Variants in OPCML observed in about 807,000 individuals in gnomAD.
OPCML encodes the protein opioid binding protein/cell adhesion molecule like.
In OPCML, 13 loss-of-function variants were observed where a neutral mutation model predicts 37.8. The observed-to-expected ratio is 0.34, with a 90% confidence interval of 0.22 to 0.55. OPCML has a LOEUF of 0.55. Among genes scored for constraint, OPCML ranks in the 20% least tolerant of loss-of-function variants. The probability of loss-of-function intolerance (pLI) is 0.91; values close to 1 mark genes in which losing one functional copy is unlikely to be tolerated. For synonymous variants in OPCML, 176 were observed against 168.8 expected (o/e 1.04, Z -0.33); for missense variants, 341 against 435.6 (o/e 0.78, Z 1.93).
chr11:132,660,755 G>T (rs1941937866), intron 2 of OPCML, among the ~76,000 whole-genome samples: 1 of 152,072 alleles, frequency 6.6e-6, no homozygotes, highest in South Asian at 2.1e-4. Context: ...GCCCTGCTTT[G>T]CTTCTGTGGG....
At chr11:132,468,023 C>A (rs553313370) in intron 4 of OPCML, among the ~76,000 whole-genome samples, 1 of 152,294 alleles carries the variant, frequency 6.6e-6, no homozygotes, top group Non-Finnish European at 1.5e-5. Context: ...TGTCCCTAAT[C>A]TTGTGACCTA....
intron 7 of OPCML, among the ~76,000 whole-genome samples, chr11:132,420,600 T>A (rs76722395): frequency 0.016 from 2,378 of 152,318 alleles, 63 homozygotes; most frequent in African/African-American, 0.05. Flanking sequence ...GCAGACCTGC[T>A]GGCTGTTTTC....
At chr11:132,542,078 T>A (rs1214666329) in intron 3 of OPCML, among the ~76,000 whole-genome samples, 1 of 152,162 alleles carries the variant, frequency 6.6e-6, no homozygotes, top group African/African-American at 2.4e-5. Flanking sequence ...TTACAGATGA[T>A]CAGTGCGGAG....
chr11:132,521,487 G>T (rs554211184), intron 4 of OPCML, among the ~76,000 whole-genome samples: 8 of 152,216 alleles, frequency 5.3e-5, no homozygotes, highest in East Asian at 1.9e-4. Flanking sequence ...CATGTCCTTT[G>T]CAGGGACATG....
At chr11:132,790,956 T>C (rs1235166278) in intron 2 of OPCML, among the ~76,000 whole-genome samples, 1 of 152,220 alleles carries the variant, frequency 6.6e-6, no homozygotes, top group East Asian at 1.9e-4. Flanking sequence ...TCTAGAATAG[T>C]AATGTGTATA....
intron 2 of OPCML, among the ~76,000 whole-genome samples, chr11:132,694,190 T>C (rs1943516912): frequency 4.1e-5 from 2 of 49,304 alleles, no homozygotes; most frequent in African/African-American, 1.7e-4. Context: ...TTTTTTTTTT[T>C]TTTTTTTTTT....
At chr11:132,947,254 C>G (rs1016826735) in intron 1 of OPCML, among the ~76,000 whole-genome samples, 9 of 152,134 alleles carry the variant, frequency 5.9e-5, no homozygotes, top group African/African-American at 2.2e-4. Context: ...ATGGCTGAGG[C>G]AAGTAAAGAA....
chr11:133,381,257 A>G (rs563023077), intron 1 of OPCML, among the ~76,000 whole-genome samples: 1 of 152,358 alleles, frequency 6.6e-6, no homozygotes, highest in African/African-American at 2.4e-5. Flanking sequence ...TGGCAGAGGA[A>G]ACTGGCAGGG....
intron 1 of OPCML, among the ~76,000 whole-genome samples, chr11:133,266,977 G>A (rs1941680944): frequency 6.6e-6 from 1 of 152,060 alleles, no homozygotes; most frequent in African/African-American, 2.4e-5. Flanking sequence ...GTCAATCTTT[G>A]GACAGATAAA....
intron 2 of OPCML, among the ~76,000 whole-genome samples, chr11:132,786,336 T>C (rs978090044): frequency 2.0e-5 from 3 of 152,134 alleles, no homozygotes; most frequent in Admixed American, 1.3e-4. Flanking sequence ...TAATTTAAAA[T>C]TGCACACAAT....
Position 133,054,840 on chromosome 11 carries a change from T to C in OPCML, c.62-111830A>G, listed in dbSNP as rs1244180271. Among the ~76,000 whole-genome samples the C allele has an allele frequency of 3.3e-5, 5 of 151,728 alleles. No individual in the cohort carries two copies. In the South Asian group the frequency reaches 8.3e-4, roughly 25 times the overall value. The stretch of plus-strand genomic sequence containing the variant: ...GATACTTCCAAGTGGTGAGACCCCA[T>C]GAAGGAGCCACCTCTACTGTACAAT... On this transcript the variant is annotated intron_variant, in intron 1 of 7. Coordinates refer to ENST00000524381, the MANE Select transcript of OPCML (RefSeq NM_001012393.5).
intron 1 of OPCML, among the ~76,000 whole-genome samples, chr11:133,374,903 C>T (rs935334090): frequency 6.6e-6 from 1 of 152,148 alleles, no homozygotes; most frequent in African/African-American, 2.4e-5. Context: ...CTGAGAGTGT[C>T]GCTGAGGCGT....
chr11:133,526,141 C>T (rs1948486188), intron 1 of OPCML, among the ~76,000 whole-genome samples: 1 of 152,208 alleles, frequency 6.6e-6, no homozygotes, highest in Non-Finnish European at 1.5e-5. Flanking sequence ...CTAGCACCTA[C>T]TTACTGGCTC....
At position 133,306,991 on chromosome 11, in the gene OPCML, A is replaced by G. The variant is rs371957781; in HGVS notation, c.61+225273T>C. Among the ~76,000 whole-genome samples, 4 of 152,308 alleles carry G rather than the reference A, an allele frequency of 2.6e-5. No individual in the cohort carries two copies. In the East Asian group the frequency reaches 7.7e-4, roughly 29 times the overall value. On this transcript the variant is annotated intron_variant, in intron 1 of 7. Coordinates refer to ENST00000524381, the MANE Select transcript of OPCML (RefSeq NM_001012393.5). ...TAACCCTGTACCACGAATGTAGTGG[A>G]TAAGTTATGACATCTTTAAGAAACA...
At chr11:133,083,150 A>T (rs1305466829) in intron 1 of OPCML, among the ~76,000 whole-genome samples, 2 of 150,850 alleles carry the variant, frequency 1.3e-5, no homozygotes, top group Non-Finnish European at 2.9e-5. Flanking sequence ...ACACGCACAC[A>T]CACACACGCA....
At chr11:133,326,865 G>A (rs1943478271) in intron 1 of OPCML, among the ~76,000 whole-genome samples, 1 of 146,206 alleles carries the variant, frequency 6.8e-6, no homozygotes, top group African/African-American at 2.5e-5. Context: ...GTAGTGACGT[G>A]TGGGTGTGGG....
chr11:133,375,757 A>T (rs1456184326), intron 1 of OPCML, among the ~76,000 whole-genome samples: 1 of 152,184 alleles, frequency 6.6e-6, no homozygotes, highest in Non-Finnish European at 1.5e-5. Context: ...TTCTCTGTCT[A>T]TTCAAGCTGT....
intron 2 of OPCML, among the ~76,000 whole-genome samples, chr11:132,852,401 C>T (rs35338085): frequency 0.064 from 9,759 of 152,222 alleles, 404 homozygotes; most frequent in East Asian, 0.14. Context: ...CCTGCAGACC[C>T]CATGGGGTCC....
chr11:133,136,780 T>C (rs1281945480), intron 1 of OPCML, among the ~76,000 whole-genome samples: 1 of 151,344 alleles, frequency 6.6e-6, no homozygotes, highest in Non-Finnish European at 1.5e-5. Flanking sequence ...GAACCTAAAA[T>C]GTTGGGCTTT....
Sources: allele counts gnomAD v4.1 joint callset (sites outside exome capture counted in the v4.1 genomes callset), GRCh38; gene constraint gnomAD v4.1.1; transcripts MANE v1.5; gene names NCBI Gene and HGNC (gene_info 2026-07-23, HGNC 2026-07-21).